USP7: variants seen among roughly 807,000 people sequenced by gnomAD.
USP7 encodes the protein ubiquitin specific peptidase 7.
USP7 carries 9 observed loss-of-function variants against 162.9 expected under a neutral mutation model. The ratio of observed to expected loss-of-function variants is 0.06; its 90% CI spans 0.03 to 0.10. USP7 has a LOEUF of 0.10. Among genes scored for constraint, USP7 ranks in the 10% least tolerant of loss-of-function variants. The probability of loss-of-function intolerance (pLI) is 1.00; values close to 1 mark genes in which losing one functional copy is unlikely to be tolerated. For synonymous variants in USP7, 562 were observed against 475.9 expected, an observed-to-expected ratio of 1.18 and a Z score of -2.35; for missense variants, 715 against 1,373.7, an observed-to-expected ratio of 0.52 and a Z score of 7.58.
intron 1 of USP7, among the ~76,000 whole-genome samples, chr16:8,946,452 G>C (rs1040961733): frequency 6.6e-6 from 1 of 152,128 alleles, no homozygotes; most frequent in East Asian, 1.9e-4. Flanking sequence ...CTTTGCTCCA[G>C]AAAGACTTAT....
rs901790687 is a variant in USP7, at chr16:8,963,279, G to A, written c.7C>T (p.His3Tyr). ...TTCTGCTGCTGCTGCTGCTGCTGGTGGTTCATGTCGGCCGCGGCCTGGGCC... is the reference window on the plus strand; with the variant it reads ...TTCTGCTGCTGCTGCTGCTGCTGGTAGTTCATGTCGGCCGCGGCCTGGGCC... MN[H>Y]QQQQQQQKAG... The change falls in exon 1 of 31, where the codon CAC (histidine) becomes TAC (tyrosine). Residue 3 changes from histidine to tyrosine, a missense_variant. Transcript: ENST00000344836. 7.6e-6 allele frequency: 10 copies of A among 1,324,036 alleles called. No homozygotes were observed. In the African/African-American group the frequency reaches 1.2e-4, roughly 16 times the overall value. The allele number at this position is 1,324,036 out of a possible 1,614,324, so 82.0% of individuals were successfully genotyped here. A position where few individuals can be genotyped will look rare whatever the true frequency, so the allele number is the denominator to read the frequency against.
chr16:8,896,164 A>C (rs1009496511), intron 26 of USP7, among the ~76,000 whole-genome samples: 7 of 138,766 alleles, frequency 5.0e-5, no homozygotes, highest in African/African-American at 1.9e-4. Context: ...TTTTTTAAAG[A>C]GGATCTGAAA....
At chr16:8,915,803 T>A (rs895507363) in intron 8 of USP7, among the ~76,000 whole-genome samples, 4 of 152,238 alleles carry the variant, frequency 2.6e-5, no homozygotes, top group African/African-American at 9.6e-5. Context: ...ATTTTTTACC[T>A]CTGTGGAAAA....
rs3214650 is a variant in USP7 at position 8,894,529 on chromosome 16, CGG to C, written c.3202+19_3202+20del. On this transcript the variant is annotated intron_variant, in intron 30 of 30. Transcript: ENST00000344836. Reference sequence around the variant, plus strand: ...TTAGTCTGAAACCCACACCAGCCCCCGGGGGGGGGAGAACCCTTACCGGGCTG... The same window carrying C: ...TTAGTCTGAAACCCACACCAGCCCCCGGGGGGGAGAACCCTTACCGGGCTG... The C allele has an allele frequency of 3.4e-3, 5,094 of 1,488,068 alleles. 120 individuals are homozygous for C. In the East Asian group the frequency reaches 0.057, roughly 17 times the overall value. The allele number at this position is 1,488,068 out of a possible 1,614,324, so 92.2% of individuals were successfully genotyped here.
intron 1 of USP7, among the ~76,000 whole-genome samples, chr16:8,947,355 C>G (rs965927803): frequency 2.0e-5 from 3 of 150,972 alleles, no homozygotes; most frequent in Admixed American, 6.7e-5. Context: ...CTCCCCCCCC[C>G]AACACACACA....
At chr16:8,900,818 C>T in intron 20 of USP7, 172 bp downstream of exon 20, 1 of 750,200 alleles carries the variant, frequency 1.3e-6, no homozygotes, top group South Asian at 2.0e-5. Context: ...GATTCTACAA[C>T]AGGTAAAAAA....
intron 2 of USP7, among the ~76,000 whole-genome samples, chr16:8,926,153 CAAA>C (rs35060100): frequency 1.1e-4 from 14 of 130,750 alleles, no homozygotes; most frequent in Non-Finnish European, 1.1e-4. Context: ...GACTCCGTCT[CAAA>C]AAAAAAAAAA....
intron 1 of USP7, among the ~76,000 whole-genome samples, chr16:8,952,720 C>T (rs1899611921): frequency 6.6e-6 from 1 of 152,190 alleles, no homozygotes. Context: ...ACATGGACAC[C>T]TTTCCGGGGA....
At chr16:8,932,923 A>T (rs1015729852) in intron 1 of USP7, among the ~76,000 whole-genome samples, 2 of 152,178 alleles carry the variant, frequency 1.3e-5, no homozygotes, top group Non-Finnish European at 2.9e-5. Context: ...AAGGCCTATT[A>T]AATAAATTAT....
chr16:8,910,550 A>T (rs1488728241), intron 11 of USP7, among the ~76,000 whole-genome samples, 195 bp downstream of exon 11: 2 of 152,142 alleles, frequency 1.3e-5, no homozygotes, highest in Non-Finnish European at 2.9e-5. Flanking sequence ...CTTCTACAGG[A>T]TAAACCAGCT....
rs143858240 is a variant in USP7 at position 8,962,500 on chromosome 16, T to C, written c.79+707A>G. ...CCTTTCGAGTCAGGTTTGATTCTGA[T>C]GCAGGCAGCCATGTGCGGCAGGGCT... On this transcript the variant is annotated intron_variant, in intron 1 of 30. Transcript: ENST00000344836. 2.9e-4 allele frequency: 133 copies of C among 452,750 alleles called. 2 individuals are homozygous for C. The East Asian group carries it at 8.7e-3, about 29-fold the overall frequency. The allele number at this position is 452,750 out of a possible 1,614,324, so 28.0% of individuals were successfully genotyped here.
In USP7 at chr16:8,942,771, A is replaced by G. The variant is rs113075321; in HGVS notation, c.80-12374T>C. Among the ~76,000 whole-genome samples, 284 of 150,718 alleles carry G rather than the reference A, an allele frequency of 1.9e-3. 2 individuals carry two copies. Among genetic ancestry groups the G allele is most frequent in the African/African-American group, 6.2e-3 (256 of 40,986 alleles). ...ACTATGTTGTCCAGGCTGGTCTTGA[A>G]CTCCTGGCCTCAAGCAATCTCCCAG... On this transcript the variant is annotated intron_variant, in intron 1 of 30. Transcript: ENST00000344836.
In USP7 at chr16:8,963,362, G is replaced by A. The variant is rs1180314560; in HGVS notation, c.-77C>T. 57 of 228,770 alleles carry A rather than the reference G, an allele frequency of 2.5e-4. No homozygotes were observed. The highest frequency in any genetic ancestry group is 6.3e-5 in the Non-Finnish European group (9 of 143,690). The allele number at this position is 228,770 out of a possible 1,614,324, so 14.2% of individuals were successfully genotyped here. Reference sequence around the variant, plus strand: ...CGGCGGGCGGGCGGCGGCGAGCCGGGGCGGCGGCGGCGGCGGCGGCGGCGG... The same window carrying A: ...CGGCGGGCGGGCGGCGGCGAGCCGGAGCGGCGGCGGCGGCGGCGGCGGCGG... On this transcript the variant is annotated 5_prime_UTR_variant, in exon 1 of 31. Coordinates refer to ENST00000344836, the MANE Select transcript of USP7 (RefSeq NM_003470.3).
chr16:8,903,410 T>G lies in USP7; in HGVS notation c.1705-8A>C. 1 of 1,612,324 alleles carries G rather than the reference T, an allele frequency of 6.2e-7. No individual in the cohort carries two copies. ...CTGGTCCTCTGCGACTATCTGAAAA[T>G]ATGTATGAAAGCACAGAAAAGACTT... On this transcript the variant is annotated splice_region_variant and splice_polypyrimidine_tract_variant and intron_variant, in intron 15 of 30. Coordinates refer to ENST00000344836, the MANE Select transcript of USP7 (RefSeq NM_003470.3).
At chr16:8,915,608 C>A (rs1249947360) in intron 8 of USP7, 83 bp from the exon 9 acceptor site, 4 of 1,220,866 alleles carry the variant, frequency 3.3e-6, no homozygotes, top group Non-Finnish European at 4.7e-6. Flanking sequence ...CTAGAAATAT[C>A]AATGTTCAAA....
chr16:8,897,126 G>A (rs1156709662), intron 25 of USP7, 27 bp from the exon 26 acceptor site: 2 of 1,560,806 alleles, frequency 1.3e-6, no homozygotes, highest in South Asian at 1.1e-5. Context: ...TAAAATAAGT[G>A]CTTTCAAGAA....
chr16:8,894,439 G>A (rs1414009408), intron 30 of USP7, 111 bp downstream of exon 30: 1 of 1,074,866 alleles, frequency 9.3e-7, no homozygotes, highest in East Asian at 2.5e-5. Context: ...AGGTCGGCCA[G>A]TGGAGAGAGA....
intron 22 of USP7, 55 bp downstream of exon 22, chr16:8,899,546 AAAG>A: frequency 6.3e-7 from 1 of 1,592,726 alleles, no homozygotes; most frequent in Non-Finnish European, 8.6e-7. Context: ...GCATTTTAAG[AAAG>A]AAATTTGTCT....
At chr16:8,922,418 G>A (rs1897745702) in intron 3 of USP7, among the ~76,000 whole-genome samples, 1 of 152,234 alleles carries the variant, frequency 6.6e-6, no homozygotes, top group Non-Finnish European at 1.5e-5. Flanking sequence ...AACCCGGGAG[G>A]TGGAGGTTGT....
Sources: gnomAD v4.1 joint callset for allele counts (sites outside exome capture counted in the v4.1 genomes callset) on GRCh38, gnomAD v4.1.1 for gene constraint, MANE v1.5 for transcripts, NCBI Gene and HGNC (gene_info 2026-07-23, HGNC 2026-07-21) for gene names.